The following MYO5B variants were observed in gnomAD, a reference collection of about 807,000 sequenced individuals.
MYO5B encodes the protein myosin VB, also known as unconventional myosin-Vb.
Under a neutral mutation model 229.3 loss-of-function variants are expected in MYO5B, and 143 were observed. The observed-to-expected ratio is 0.62, with a 90% CI of 0.54 to 0.72. MYO5B has a LOEUF of 0.72. Ranked by LOEUF, MYO5B falls within the 30% of genes least tolerant of loss-of-function variation. The pLI, the probability that MYO5B is intolerant of heterozygous loss-of-function variation, is 0.00. For missense variants in MYO5B, 2,321 were observed against 2,331.0 expected, an observed-to-expected ratio of 1.00 and a Z score of 0.09; for synonymous variants, 918 against 885.2, an observed-to-expected ratio of 1.04 and a Z score of -0.66.
chr18:49,975,000 G>A (rs1047140838), intron 9 of MYO5B, among the ~76,000 whole-genome samples: 2 of 152,314 alleles, frequency 1.3e-5, no homozygotes, highest in African/African-American at 4.8e-5. Context: ...GTCCTGGAGT[G>A]AAGGGAGCAG....
intron 35 of MYO5B, chr18:49,840,279 G>C (rs1331485677): frequency 6.6e-6 from 1 of 152,206 alleles, no homozygotes; most frequent in African/African-American, 2.4e-5. Context: ...GTAAATGCTT[G>C]GATATTATGA....
rs1301391438 is a variant in MYO5B at position 50,111,480 on chromosome 18, TGGGG to T, written c.28-56106_28-56103del. Reference sequence around the variant, plus strand: ...TGGTTCTCATTCTCTTTGAAAGTTCTGGGGCAAATTCTCCAGATTGTATCTCTCA... The same window carrying T: ...TGGTTCTCATTCTCTTTGAAAGTTCTCAAATTCTCCAGATTGTATCTCTCA... On this transcript the variant is annotated intron_variant, in intron 1 of 39. Transcript: ENST00000285039. Among the ~76,000 whole-genome samples the T allele has an allele frequency of 5.4e-3, 821 of 152,358 alleles. 2 individuals are homozygous for T. Among genetic ancestry groups the T allele is most frequent in the African/African-American group, 0.019 (793 of 41,586 alleles).
chr18:49,986,998 A>G (rs2025877221), intron 7 of MYO5B, among the ~76,000 whole-genome samples: 1 of 152,240 alleles, frequency 6.6e-6, no homozygotes, highest in Admixed American at 6.5e-5. Context: ...CACATCAGAA[A>G]GAGTCACCTG....
At chr18:50,187,714 G>A (rs558639378) in intron 1 of MYO5B, among the ~76,000 whole-genome samples, 5 of 152,140 alleles carry the variant, frequency 3.3e-5, no homozygotes, top group South Asian at 2.1e-4. Flanking sequence ...ATGAGGTCTC[G>A]CTATGTTGTC....
rs766207257 is a variant in MYO5B, at chr18:49,864,335, T to C, written c.3649A>G (p.Asn1217Asp). 1.2e-5 allele frequency: 20 copies of C among 1,614,070 alleles called. No homozygotes were observed. The East Asian group carries it at 4.5e-4, about 36-fold the overall frequency. Residue 1217 changes from asparagine to aspartate, a missense_variant, in exon 28 of 40, where the codon AAT becomes GAT. By Grantham distance (23) the Asn-to-Asp change is conservative. This residue lies in a region of MYO5B where 2,113 missense variants were observed against 2,044.7 expected (regional missense o/e 1.03). Coordinates refer to ENST00000285039, the MANE Select transcript of MYO5B (RefSeq NM_001080467.3). ...TCGGCCACGGCTTTCCTCAGCTCAT[T>C]CAGGTCATTCTTCAGCTTTTTGTTC... ...SENKKLKNDL[N>D]ELRKAVADQA...
chr18:50,047,606 T>C (rs1010264039), intron 2 of MYO5B, among the ~76,000 whole-genome samples: 1 of 152,178 alleles, frequency 6.6e-6, no homozygotes, highest in South Asian at 2.1e-4. Context: ...ACCCAAAGTA[T>C]TATAAATCAT....
At chr18:50,173,690 G>A (rs2032952663) in intron 1 of MYO5B, among the ~76,000 whole-genome samples, 1 of 152,190 alleles carries the variant, frequency 6.6e-6, no homozygotes, top group African/African-American at 2.4e-5. Context: ...GATGATGCCT[G>A]GATCTGGGTC....
intron 1 of MYO5B, among the ~76,000 whole-genome samples, chr18:50,177,100 C>A (rs2033007390): frequency 6.6e-6 from 1 of 152,064 alleles, no homozygotes; most frequent in African/African-American, 2.4e-5. Flanking sequence ...AAAACTAAAA[C>A]ACAATTATAT....
intron 22 of MYO5B, among the ~76,000 whole-genome samples, chr18:49,881,542 C>T (rs2024585400): frequency 6.6e-6 from 1 of 152,190 alleles, no homozygotes; most frequent in Admixed American, 6.5e-5. Context: ...GTGGCTCACA[C>T]CTGTAATCCC....
intron 10 of MYO5B, among the ~76,000 whole-genome samples, chr18:49,968,714 G>A (rs369877701): frequency 3.3e-5 from 5 of 151,786 alleles, no homozygotes; most frequent in African/African-American, 9.7e-5. Context: ...GGCCCAGGAA[G>A]GGCCTAGGCA....
intron 32 of MYO5B, 49 bp from the exon 33 acceptor site, chr18:49,847,338 G>A: frequency 6.3e-7 from 1 of 1,598,566 alleles, no homozygotes; most frequent in Non-Finnish European, 8.5e-7. Context: ...CCAGCTGCAG[G>A]CCTGAGGGTA....
intron 22 of MYO5B, among the ~76,000 whole-genome samples, chr18:49,886,769 G>C (rs1256178753): frequency 6.6e-6 from 1 of 152,124 alleles, no homozygotes; most frequent in African/African-American, 2.4e-5. Flanking sequence ...CCGACCGAGA[G>C]TGACGACGTT....
intron 12 of MYO5B, among the ~76,000 whole-genome samples, chr18:49,959,809 C>G (rs561475657): frequency 4.5e-4 from 68 of 152,328 alleles, no homozygotes; most frequent in African/African-American, 1.6e-3. Flanking sequence ...GCAGCAGGGG[C>G]TGGTGGGCAC....
At chr18:50,143,685 A>G (rs1474325846) in intron 1 of MYO5B, among the ~76,000 whole-genome samples, 1 of 152,258 alleles carries the variant, frequency 6.6e-6, no homozygotes, top group Non-Finnish European at 1.5e-5. Flanking sequence ...GAAGGCAGGC[A>G]TTTGTTAAGG....
intron 4 of MYO5B, among the ~76,000 whole-genome samples, chr18:50,015,170 G>T (rs1438088861): frequency 6.6e-6 from 1 of 152,226 alleles, no homozygotes; most frequent in Non-Finnish European, 1.5e-5. Flanking sequence ...ACAGAAATGT[G>T]TGGGCTTTTT....
chr18:49,968,698 C>T (rs1014207204), intron 10 of MYO5B, among the ~76,000 whole-genome samples: 18 of 151,758 alleles, frequency 1.2e-4, no homozygotes, highest in African/African-American at 4.4e-4. Context: ...TTTTGTCATG[C>T]TTTAAGGCCC....
intron 2 of MYO5B, among the ~76,000 whole-genome samples, chr18:50,049,611 T>C (rs2030337508): frequency 6.6e-6 from 1 of 152,194 alleles, no homozygotes; most frequent in Non-Finnish European, 1.5e-5. Flanking sequence ...GGCTGGATAG[T>C]TCTCTGTTGT....
Position 49,825,681 on chromosome 18 carries a change from T to C in MYO5B, c.*790A>G, listed in dbSNP as rs1015527791. ...GCTTATATACATTTTTGTGAAAGTT[T>C]TGTGGGACTTGGAAAGTGTATGGAC... On this transcript the variant is annotated 3_prime_UTR_variant, in exon 40 of 40. Coordinates refer to ENST00000285039, the MANE Select transcript of MYO5B (RefSeq NM_001080467.3). 2.0e-5 allele frequency: 3 copies of C among 152,424 alleles called. No individual in the cohort carries two copies. The highest frequency in any genetic ancestry group is 4.4e-5 in the Non-Finnish European group (3 of 68,048). The allele number at this position is 152,424 out of a possible 1,614,324, so 9.4% of individuals were successfully genotyped here.
intron 22 of MYO5B, among the ~76,000 whole-genome samples, chr18:49,883,890 G>A (rs2024615562): frequency 6.6e-6 from 1 of 152,172 alleles, no homozygotes; most frequent in Admixed American, 6.5e-5. Context: ...CAAAGGTGCT[G>A]GGACAAATGG....
Sources: gnomAD v4.1 joint callset for allele counts (sites outside exome capture counted in the v4.1 genomes callset) on GRCh38, gnomAD v4.1.1 for gene constraint, gnomAD v4.1.1 regional missense constraint, MANE v1.5 for transcripts, NCBI Gene and HGNC (gene_info 2026-07-23, HGNC 2026-07-21) for gene names.